Variants in GPM6B observed in about 807,000 individuals in gnomAD.
GPM6B encodes neuronal membrane glycoprotein M6-b.
Under a neutral mutation model 27.2 loss-of-function variants are expected in GPM6B, and 4 were observed. The ratio of observed to expected loss-of-function variants is 0.15; its 90% CI spans 0.07 to 0.34. The LOEUF is 0.34. GPM6B is among the 10% of genes least tolerant of loss of function. The pLI is 1.00. For synonymous variants in GPM6B, 124 were observed against 103.1 expected, an observed-to-expected ratio of 1.20 and a Z score of -1.23; for missense variants, 183 against 261.9, an observed-to-expected ratio of 0.70 and a Z score of 2.08.
upstream of GPM6B, among the ~76,000 whole-genome samples, chrX:13,819,513 A>C (rs1162813818): frequency 1.8e-5 from 2 of 112,431 alleles, no homozygotes; most frequent in Non-Finnish European, 3.8e-5. Context: ...CAAAACAGGA[A>C]TACAAAATAC....
chrX:13,781,048 C>T (rs1351499359), intron 4 of GPM6B: 1 of 249,338 alleles, frequency 4.0e-6, no homozygotes, highest in Non-Finnish European at 7.9e-6. Flanking sequence ...GCAGTTCCAC[C>T]TCCCACTTCC....
chrX:13,837,710 T>TGGGGGGGGGGGGGGG (rs771546203), intron 1 of GPM6B, among the ~76,000 whole-genome samples: 1 of 11,375 alleles, frequency 8.8e-5, no homozygotes, highest in African/African-American at 1.7e-4. Flanking sequence ...AGCAAGTTGG[T>TGGGGGGGGGGGGGGG]GGGGGGGGGG....
At chrX:13,930,337 G>A (rs1442687705) in intron 1 of GPM6B, among the ~76,000 whole-genome samples, 1 of 111,662 alleles carries the variant, frequency 9.0e-6, no homozygotes, top group Non-Finnish European at 1.9e-5. Flanking sequence ...AAGGGAGGCC[G>A]GGCACGGTGG....
At chrX:13,833,550 T>TAAAAAAAAAAAAAAAAAAAA (rs755832950) in intron 1 of GPM6B, among the ~76,000 whole-genome samples, 2 of 71,521 alleles carry the variant, frequency 2.8e-5, no homozygotes, top group Non-Finnish European at 4.9e-5. Context: ...CTCTATCTCT[T>TAAAAAAAAAAAAAAAAAAAA]AAAAAAAAAA....
Position 13,875,697 on chromosome X carries a change from G to T in GPM6B, c.-198+62630C>A, listed in dbSNP as rs144501584. Among the ~76,000 whole-genome samples the T allele has an allele frequency of 2.9e-4, 33 of 112,112 alleles. No homozygotes were observed. In the East Asian group the frequency reaches 6.4e-3, roughly 22 times the overall value. ...TGGAATAGCAGTCAACGATACAAAG[G>T]AATGAACTCCTGGCACATGCTACGA... On this transcript the variant is annotated intron_variant, in intron 1 of 6. Transcript: ENST00000398361.
chrX:13,844,230 T>C (rs1163684319), intron 1 of GPM6B, among the ~76,000 whole-genome samples: 3 of 112,504 alleles, frequency 2.7e-5, no homozygotes, highest in Non-Finnish European at 5.6e-5. Flanking sequence ...ATTTCTGGAC[T>C]CTCAATGATA....
chrX:13,789,517 T>A (rs1410431826), intron 2 of GPM6B, among the ~76,000 whole-genome samples: 2 of 112,102 alleles, frequency 1.8e-5, no homozygotes, highest in Non-Finnish European at 3.8e-5. Context: ...GGCTCACGCC[T>A]GTAATCCCAG....
chrX:13,842,803 A>C (rs1390807451), intron 1 of GPM6B, among the ~76,000 whole-genome samples: 4 of 111,944 alleles, frequency 3.6e-5, no homozygotes, highest in African/African-American at 1.3e-4. Flanking sequence ...TTAAAGATGC[A>C]TATTTCCCAG....
At position 13,838,286 on chromosome X, in the gene GPM6B, A is replaced by T. The variant is rs188442581; in HGVS notation, c.-197-52478T>A. The stretch of plus-strand genomic sequence containing the variant: ...AAAACTTCAACAGGCTGGAGCTAGC[A>T]AAACAGACTGCGATGTTTTTGAAAG... On this transcript the variant is annotated intron_variant, in intron 1 of 6. Coordinates refer to the GPM6B transcript ENST00000398361. 8.0e-5 allele frequency among the ~76,000 whole-genome samples: 9 copies of T among 112,285 alleles called. No individual in the cohort carries two copies. In the East Asian group the frequency reaches 2.2e-3, roughly 28 times the overall value.
At chrX:13,825,947 T>C (rs1888945342) in intron 1 of GPM6B, among the ~76,000 whole-genome samples, 1 of 111,102 alleles carries the variant, frequency 9.0e-6, no homozygotes, top group Non-Finnish European at 1.9e-5. Context: ...CCTTCTGAAA[T>C]GGAAGTGAGG....
At chrX:13,909,120 CTTT>C (rs368081524) in intron 1 of GPM6B, among the ~76,000 whole-genome samples, 3 of 69,831 alleles carry the variant, frequency 4.3e-5, no homozygotes, top group African/African-American at 1.2e-4. Flanking sequence ...TGTTCATATC[CTTT>C]TTTTTTTTTT....
intron 2 of GPM6B, among the ~76,000 whole-genome samples, chrX:13,804,659 T>C (rs2048989516): frequency 9.1e-6 from 1 of 110,471 alleles, no homozygotes; most frequent in South Asian, 3.9e-4. Context: ...AATAAGGAAG[T>C]TCCTGGAGAA....
intron 1 of GPM6B, among the ~76,000 whole-genome samples, chrX:13,844,562 C>A (rs2049620915): frequency 8.9e-6 from 1 of 112,096 alleles, no homozygotes; most frequent in East Asian, 2.8e-4. Context: ...CAAATAGCAT[C>A]AAAATTATTA....
At chrX:13,795,463 T>C (rs1455365370) in intron 2 of GPM6B, among the ~76,000 whole-genome samples, 1 of 111,338 alleles carries the variant, frequency 9.0e-6, no homozygotes, top group African/African-American at 3.3e-5. Context: ...GAAATTTGAG[T>C]TTTCTTCATA....
chrX:13,780,116 C>A (rs761453492), intron 4 of GPM6B, 127 bp from the exon 5 acceptor site: 1 of 489,335 alleles, frequency 2.0e-6, no homozygotes, highest in African/African-American at 2.4e-5. Context: ...ACCCTCGCCC[C>A]GGCATTGGTA....
intron 1 of GPM6B, among the ~76,000 whole-genome samples, chrX:13,809,627 AT>A (rs1170410242): frequency 1.6e-4 from 17 of 109,534 alleles, no homozygotes; most frequent in African/African-American, 4.3e-4. Flanking sequence ...AATAAAAAAA[AT>A]ATATAAAAAA....
chrX:13,840,782 T>C (rs1320241883), intron 1 of GPM6B, among the ~76,000 whole-genome samples: 1 of 111,501 alleles, frequency 9.0e-6, no homozygotes, highest in African/African-American at 3.3e-5. Flanking sequence ...TTTTCTAAGC[T>C]CTAATGGCTC....
chrX:13,870,570 T>C (rs2049964586), intron 1 of GPM6B, among the ~76,000 whole-genome samples: 1 of 111,594 alleles, frequency 9.0e-6, no homozygotes, highest in African/African-American at 3.3e-5. Flanking sequence ...ATAACAACCA[T>C]TCCAACAAGG....
rs767580118 is a variant in GPM6B at position 13,807,742 on chromosome X, C to T, written c.89G>A (p.Gly30Asp). 2 of 1,205,763 alleles carry T rather than the reference C, an allele frequency of 1.7e-6. No homozygotes were observed. Among genetic ancestry groups the T allele is most frequent in the South Asian group, 1.8e-5 (1 of 56,012 alleles). The stretch of plus-strand genomic sequence containing the variant: ...GCCTGGGTACATCCAGTGGTACCTG[C>T]CAATTTCCATTTCAGCTCTGCTGTT... ...KVNSRAEMEI[G>D]RYHWMYPGSK... Residue 30 changes from glycine (G) to aspartate (D), a missense_variant, in exon 2 of 8, where the codon GGC becomes GAC. Gly to Asp is a moderately conservative substitution (Grantham distance 94). Coordinates refer to ENST00000316715, the MANE Select transcript of GPM6B (RefSeq NM_001001995.3).
Sources: gnomAD v4.1 joint callset for allele counts (sites outside exome capture counted in the v4.1 genomes callset) on GRCh38, gnomAD v4.1.1 for gene constraint, MANE v1.5 for transcripts, NCBI Gene and HGNC (gene_info 2026-07-23, HGNC 2026-07-21) for gene names.